Variants in AGBL1 observed in about 807,000 individuals in gnomAD.
AGBL1 encodes the protein cytosolic carboxypeptidase 4.
In AGBL1, 130 loss-of-function variants were observed where a neutral mutation model predicts 118.9. The observed-to-expected ratio is 1.09, with a 90% CI of 0.95 to 1.26. The LOEUF is 1.26. Among genes scored for constraint, AGBL1 ranks in the 50% most tolerant of loss-of-function variants. The pLI is 0.00. For synonymous variants in AGBL1, 555 were observed against 478.9 expected (o/e 1.16, Z -2.08); for missense variants, 1,584 against 1,298.1 (o/e 1.22, Z -3.38).
chr15:86,191,933 AAC>A (rs1311453127), intron 5 of AGBL1, among the ~76,000 whole-genome samples: 1 of 151,224 alleles, frequency 6.6e-6, no homozygotes, highest in African/African-American at 2.4e-5. Flanking sequence ...AAAACCAAAA[AAC>A]ACAAAAAACA....
intron 5 of AGBL1, among the ~76,000 whole-genome samples, chr15:86,219,995 G>A (rs995610515): frequency 2.1e-4 from 27 of 130,434 alleles, no homozygotes; most frequent in Non-Finnish European, 3.6e-4. Flanking sequence ...TCTGTTGCCC[G>A]GGCTGGAGTG....
In AGBL1 at chr15:86,154,498, A is replaced by C. The variant is rs2077161478; in HGVS notation, c.331A>C (p.Asn111His). Residue 111 changes from asparagine (N) to histidine (H), a missense_variant, in exon 4 of 23, where the codon AAC becomes CAC. Asn to His is a moderately conservative substitution (Grantham distance 68). Transcript: ENST00000614907. ...TGTGACATTGATTCTGGCCAGGAAG[A>C]ACCTATCCCATGGCCAGAATCTCCT... ...LDVTLILARK[N>H]LSHGQNLLHC... The C allele has an allele frequency of 6.2e-7, 1 of 1,613,158 alleles. No individual in the cohort carries two copies. The highest frequency in any genetic ancestry group is 8.5e-7 in the Non-Finnish European group (1 of 1,179,604).
chr15:86,496,624 TC>T (rs532830227), intron 18 of AGBL1, among the ~76,000 whole-genome samples: 160 of 152,178 alleles, frequency 1.1e-3, no homozygotes, highest in African/African-American at 3.6e-3. Flanking sequence ...TTTGATACCT[TC>T]CTTGGATTAT....
At chr15:86,266,720 G>A (rs966948716) in intron 12 of AGBL1, among the ~76,000 whole-genome samples, 1 of 152,156 alleles carries the variant, frequency 6.6e-6, no homozygotes, top group Non-Finnish European at 1.5e-5. Context: ...GGCTAACATG[G>A]TGAAACTCTG....
intron 22 of AGBL1, among the ~76,000 whole-genome samples, chr15:86,815,741 A>T (rs182183849): frequency 0.03 from 4,109 of 137,810 alleles, 98 homozygotes; most frequent in Middle Eastern, 0.068. Context: ...TCCCAACCCC[A>T]GCTCTAAGTA....
chr15:86,237,409 A>G (rs2078569916), intron 6 of AGBL1, among the ~76,000 whole-genome samples: 1 of 152,216 alleles, frequency 6.6e-6, no homozygotes. Context: ...GGCCAGAAGC[A>G]GGCAGCATCA....
intron 18 of AGBL1, among the ~76,000 whole-genome samples, chr15:86,437,753 C>T (rs1312357080): frequency 1.3e-5 from 2 of 152,180 alleles, no homozygotes; most frequent in African/African-American, 4.8e-5. Flanking sequence ...CATCTGTCTC[C>T]TCCCACCCTT....
chr15:86,957,134 T>C (rs908969321), intron 23 of AGBL1, among the ~76,000 whole-genome samples: 1 of 152,088 alleles, frequency 6.6e-6, no homozygotes, highest in African/African-American at 2.4e-5. Context: ...GCGTGTGGGA[T>C]CTGAAATCAA....
chr15:86,595,378 CCTT>C (rs1325629175), intron 21 of AGBL1, among the ~76,000 whole-genome samples: 4 of 152,172 alleles, frequency 2.6e-5, no homozygotes, highest in Non-Finnish European at 5.9e-5. Context: ...AAAACCTACT[CCTT>C]AACCTTTTAA....
intron 1 of AGBL1, among the ~76,000 whole-genome samples, chr15:86,093,196 C>T (rs1896145647): frequency 6.6e-6 from 1 of 152,148 alleles, no homozygotes; most frequent in Non-Finnish European, 1.5e-5. Context: ...ACAAGCTAGT[C>T]TTCACATAGA....
At chr15:86,145,781 AG>A (rs1455740233) in intron 3 of AGBL1, among the ~76,000 whole-genome samples, 1 of 152,228 alleles carries the variant, frequency 6.6e-6, no homozygotes, top group African/African-American at 2.4e-5. Flanking sequence ...ATGATGACCA[AG>A]GCAGTTAAGG....
At chr15:86,618,645 C>T (rs2084762968) in intron 21 of AGBL1, among the ~76,000 whole-genome samples, 1 of 152,168 alleles carries the variant, frequency 6.6e-6, no homozygotes, top group Non-Finnish European at 1.5e-5. Flanking sequence ...TCTTAGGCAT[C>T]TCAAATTTGA....
At chr15:86,432,381 T>G (rs760508805) in intron 18 of AGBL1, among the ~76,000 whole-genome samples, 2 of 152,294 alleles carry the variant, frequency 1.3e-5, no homozygotes, top group East Asian at 3.9e-4. Context: ...ATGACTTCGA[T>G]AGTTTTGAGG....
chr15:86,533,280 C>T (rs1440394919), intron 19 of AGBL1, among the ~76,000 whole-genome samples: 4 of 110,038 alleles, frequency 3.6e-5, no homozygotes, highest in African/African-American at 1.3e-4. Context: ...AAACAAACAA[C>T]CCAGTCAAAA....
intron 16 of AGBL1, among the ~76,000 whole-genome samples, chr15:86,291,373 C>CACACAG (rs1178397124): frequency 2.0e-5 from 3 of 151,574 alleles, no homozygotes; most frequent in African/African-American, 4.9e-5. Flanking sequence ...TGCACACACA[C>CACACAG]AGAGACACAT....
intron 5 of AGBL1, among the ~76,000 whole-genome samples, chr15:86,191,369 A>AAGAG: frequency 6.9e-6 from 1 of 145,148 alleles, no homozygotes; most frequent in South Asian, 2.3e-4. Flanking sequence ...AAAAAAAAAA[A>AAGAG]AGAGAGAGAG....
chr15:86,132,557 A>G (rs1323649308), intron 1 of AGBL1, among the ~76,000 whole-genome samples: 1 of 152,168 alleles, frequency 6.6e-6, no homozygotes, highest in African/African-American at 2.4e-5. Flanking sequence ...TTGTGCTATA[A>G]TTTGTCAACT....
chr15:86,481,004 G>T (rs879460217), intron 18 of AGBL1, among the ~76,000 whole-genome samples: 2 of 151,912 alleles, frequency 1.3e-5, no homozygotes, highest in African/African-American at 2.4e-5. Context: ...ATTTAAGGCT[G>T]GTGACTATTT....
intron 5 of AGBL1, among the ~76,000 whole-genome samples, chr15:86,183,287 C>G (rs2077578247): frequency 6.6e-6 from 1 of 152,126 alleles, no homozygotes. Flanking sequence ...CAATTTTTGA[C>G]TCTATGACAT....
Sources: allele counts gnomAD v4.1 joint callset (sites outside exome capture counted in the v4.1 genomes callset), GRCh38; gene constraint gnomAD v4.1.1; transcripts MANE v1.5; gene names NCBI Gene and HGNC (gene_info 2026-07-23, HGNC 2026-07-21).